The following KIF26B variants were observed in gnomAD, a reference collection of about 807,000 sequenced individuals.
The protein encoded by KIF26B is kinesin-like protein KIF26B.
In KIF26B, 63 loss-of-function variants were observed where a neutral mutation model predicts 151.2. The observed-to-expected ratio is 0.42, with a 90% CI of 0.34 to 0.51. The LOEUF is 0.51. KIF26B is among the 20% of genes least tolerant of loss of function. The pLI, the probability that KIF26B is intolerant of heterozygous loss-of-function variation, is 0.07. For synonymous variants in KIF26B, 1,357 were observed against 1,262.1 expected (o/e 1.08, Z -1.59); for missense variants, 2,813 against 2,913.6 (o/e 0.97, Z 0.79).
chr1:245,300,351 A>G (rs1156498431), intron 2 of KIF26B, among the ~76,000 whole-genome samples: 1 of 151,918 alleles, frequency 6.6e-6, no homozygotes, highest in Non-Finnish European at 1.5e-5. Flanking sequence ...GCTTCGTTCT[A>G]CTCTGGGGAT....
chr1:245,374,460 G>A (rs74949644), intron 3 of KIF26B, among the ~76,000 whole-genome samples: 2,279 of 152,106 alleles, frequency 0.015, 59 homozygotes, highest in African/African-American at 0.051. Flanking sequence ...ACAGGGGTGG[G>A]TGTTTCCAGC....
chr1:245,369,668 A>G (rs1184891623), intron 3 of KIF26B, among the ~76,000 whole-genome samples: 1 of 152,240 alleles, frequency 6.6e-6, no homozygotes, highest in Non-Finnish European at 1.5e-5. Flanking sequence ...CCAGTGGCAG[A>G]ACCAGCACCA....
chr1:245,462,638 G>A (rs915711511), intron 4 of KIF26B, among the ~76,000 whole-genome samples: 1 of 152,122 alleles, frequency 6.6e-6, no homozygotes, highest in Admixed American at 6.6e-5. Context: ...CCTGTATCAG[G>A]TACTCCCAAG....
chr1:245,156,240 C>A, intron 1 of KIF26B, 42 bp from the exon 2 acceptor site: 1 of 1,533,918 alleles, frequency 6.5e-7, no homozygotes, highest in Non-Finnish European at 8.8e-7. Flanking sequence ...CGCTGCAGCC[C>A]GCCGCCTTGC....
chr1:245,658,231 C>T, intron 10 of KIF26B, among the ~76,000 whole-genome samples: 1 of 152,160 alleles, frequency 6.6e-6, no homozygotes, highest in East Asian at 1.9e-4. Flanking sequence ...ATCTTCATTG[C>T]TGTACGATTT....
intron 4 of KIF26B, among the ~76,000 whole-genome samples, chr1:245,466,737 C>A (rs1304551899): frequency 2.0e-5 from 3 of 152,118 alleles, no homozygotes; most frequent in African/African-American, 7.2e-5. Context: ...ACCAGCCTGG[C>A]CAACATGGTG....
intron 2 of KIF26B, among the ~76,000 whole-genome samples, chr1:245,291,306 A>G (rs1421936188): frequency 3.9e-5 from 6 of 152,208 alleles, no homozygotes; most frequent in Non-Finnish European, 8.8e-5. Flanking sequence ...TTTGCAAACA[A>G]TCTATTATTC....
intron 5 of KIF26B, among the ~76,000 whole-genome samples, chr1:245,558,760 C>T (rs1307222490): frequency 6.6e-6 from 1 of 152,240 alleles, no homozygotes. Flanking sequence ...GGGGAAAACT[C>T]ATTTATTTGC....
chr1:245,370,683 A>G lies in KIF26B; in HGVS notation c.999+3316A>G, dbSNP rs142284077. The G allele has an allele frequency of 8.3e-4, 374 of 452,176 alleles. 1 individual carries two copies. The highest frequency in any genetic ancestry group is 6.6e-3 in the African/African-American group (331 of 50,152). The allele number at this position is 452,176 out of a possible 1,614,324, so 28.0% of individuals were successfully genotyped here. On this transcript the variant is annotated intron_variant, in intron 3 of 14. Transcript: ENST00000407071. Reference sequence around the variant, plus strand: ...GAGCATGAAACTGGTGCTTTCCTGTAAAATATTCAAAGTGAGGTGAAAGTT... The same window carrying G: ...GAGCATGAAACTGGTGCTTTCCTGTGAAATATTCAAAGTGAGGTGAAAGTT...
intron 5 of KIF26B, among the ~76,000 whole-genome samples, chr1:245,557,370 C>T (rs71636574): frequency 0.16 from 23,738 of 152,160 alleles, 2,432 homozygotes; most frequent in East Asian, 0.28. Flanking sequence ...CCTCTGCCGT[C>T]GTCGCAGCCG....
At position 245,513,540 on chromosome 1, in the gene KIF26B, A is replaced by G. The variant is rs185949926; in HGVS notation, c.1167-27227A>G. Among the ~76,000 whole-genome samples the G allele has an allele frequency of 2.1e-3, 316 of 152,302 alleles. 2 individuals carry two copies. The highest frequency in any genetic ancestry group is 6.7e-3 in the African/African-American group (277 of 41,566). The stretch of plus-strand genomic sequence containing the variant: ...TCTTAAACTGATCAGTGCCTTACAC[A>G]TGGAACGAAGCTTTCATTTCGGCCC... On this transcript the variant is annotated intron_variant, in intron 4 of 14. Transcript: ENST00000407071.
intron 10 of KIF26B, among the ~76,000 whole-genome samples, chr1:245,653,383 G>A (rs114765421): frequency 1.4e-4 from 22 of 152,300 alleles, no homozygotes; most frequent in South Asian, 4.2e-4. Flanking sequence ...TCAGCTACAT[G>A]GAAGGTAGTT....
At chr1:245,664,542 CTT>C (rs967445404) in intron 10 of KIF26B, among the ~76,000 whole-genome samples, 2 of 151,970 alleles carry the variant, frequency 1.3e-5, no homozygotes, top group African/African-American at 4.8e-5. Context: ...AAAAGGGACA[CTT>C]AATTATTATT....
chr1:245,410,441 T>TTC (rs143484603), intron 3 of KIF26B, among the ~76,000 whole-genome samples: 2,172 of 151,356 alleles, frequency 0.014, 50 homozygotes, highest in African/African-American at 0.049. Flanking sequence ...TGTTGTGGGA[T>TTC]TCTCTCTCTC....
chr1:245,657,252 A>T (rs1207652802), intron 10 of KIF26B, among the ~76,000 whole-genome samples: 2 of 152,142 alleles, frequency 1.3e-5, no homozygotes, highest in African/African-American at 4.8e-5. Context: ...TCTTTAAAAC[A>T]CCGCGTTGGT....
chr1:245,344,978 C>T (rs1415061102), intron 2 of KIF26B, among the ~76,000 whole-genome samples: 4 of 152,102 alleles, frequency 2.6e-5, no homozygotes, highest in Non-Finnish European at 5.9e-5. Context: ...CACACTGTAG[C>T]TAATTCTGCA....
intron 4 of KIF26B, among the ~76,000 whole-genome samples, chr1:245,486,557 A>G (rs1441547824): frequency 2.0e-5 from 3 of 152,228 alleles, no homozygotes; most frequent in African/African-American, 4.8e-5. Context: ...AATTTCATAC[A>G]TATTATCTCA....
chr1:245,666,961 G>A (rs550782895), intron 10 of KIF26B, among the ~76,000 whole-genome samples: 50 of 152,146 alleles, frequency 3.3e-4, no homozygotes, highest in African/African-American at 1.2e-3. Flanking sequence ...TTCCTCTTCG[G>A]GGAACGTTGT....
chr1:245,478,685 G>C (rs1435408802), intron 4 of KIF26B, among the ~76,000 whole-genome samples: 1 of 151,782 alleles, frequency 6.6e-6, no homozygotes, highest in East Asian at 1.9e-4. Flanking sequence ...AAAGTGCTGG[G>C]ATGACAGGCG....
Sources: gnomAD v4.1 joint callset for allele counts (sites outside exome capture counted in the v4.1 genomes callset) on GRCh38, gnomAD v4.1.1 for gene constraint, MANE v1.5 for transcripts, NCBI Gene and HGNC (gene_info 2026-07-23, HGNC 2026-07-21) for gene names.